Variants in SALL3 observed in about 807,000 individuals in gnomAD.
SALL3 encodes sal-like protein 3.
SALL3 carries 25 observed loss-of-function variants against 66.2 expected under a neutral mutation model. The ratio of observed to expected loss-of-function variants is 0.38; its 90% CI spans 0.28 to 0.53. SALL3 has a LOEUF of 0.53. Ranked by LOEUF, SALL3 falls within the 20% of genes least tolerant of loss-of-function variation. The pLI, the probability that SALL3 is intolerant of heterozygous loss-of-function variation, is 0.85. For synonymous variants in SALL3, 1,152 were observed against 899.1 expected, an observed-to-expected ratio of 1.28 and a Z score of -5.03; for missense variants, 2,194 against 1,916.5, an observed-to-expected ratio of 1.14 and a Z score of -2.70.
At chr18:78,996,451 T>G (rs1205033586) in intron 2 of SALL3, among the ~76,000 whole-genome samples, 3 of 152,192 alleles carry the variant, frequency 2.0e-5, no homozygotes, top group African/African-American at 7.2e-5. Context: ...AATTAATGTT[T>G]CTTTGTTTGA....
At position 78,992,260 on chromosome 18, in the gene SALL3, C is replaced by G. The variant is rs757486154; in HGVS notation, c.269C>G (p.Pro90Arg). ...GTGCACGAGGACGCGCCCGCGCCGC[C>G]CCCCGAGGACTTCCCCGAGCCTTCG... ...LIVHEDAPAP[P>R]PEDFPEPSPA... is the part of the protein sequence containing the mutation. Residue 90 changes from proline (P) to arginine (R), a missense_variant, in exon 2 of 3, where the codon CCC becomes CGC. Pro to Arg is a moderately radical substitution (Grantham distance 103). Coordinates refer to ENST00000537592, the MANE Select transcript of SALL3 (RefSeq NM_171999.4). 1 of 1,568,632 alleles carries G rather than the reference C, an allele frequency of 6.4e-7. No homozygotes were observed. Among genetic ancestry groups the G allele is most frequent in the Non-Finnish European group, 8.6e-7 (1 of 1,163,800 alleles).
At position 78,980,364 on chromosome 18, in the gene SALL3, C is replaced by T; in HGVS notation, c.82+8C>T. 1.4e-6 allele frequency: 2 copies of T among 1,416,312 alleles called. No homozygotes were observed. The highest frequency in any genetic ancestry group is 1.9e-6 in the Non-Finnish European group (2 of 1,076,762). 87.7% of individuals were successfully genotyped at this position (1,416,312 alleles called of 1,614,324 possible). A position where few individuals can be genotyped will look rare whatever the true frequency, so the allele number is the denominator to read the frequency against. ...ACGGGGCTCCCGAGCACGGTGAGGG[C>T]CGGGGCTGCGGGGTGGCCGGGGGGT... On this transcript the variant is annotated splice_region_variant and intron_variant, in intron 1 of 2. Transcript: ENST00000537592.
rs1428892491 is a variant in SALL3, at chr18:78,994,251, C to T, written c.2260C>T (p.Leu754=). The change falls in exon 2 of 3, where the codon CTG becomes TTG. Residue 754 remains leucine (L), a synonymous_variant. Transcript: ENST00000537592. ...CQKKFTNAVV[L]QQHIRMHMGG... is the part of the protein sequence containing the mutation. ...GAAGAAGTTCACCAACGCCGTGGTC[C>T]TGCAGCAGCACATCCGCATGCACAT... 4 of 1,613,678 alleles carry T rather than the reference C, an allele frequency of 2.5e-6. No individual in the cohort carries two copies. Among genetic ancestry groups the T allele is most frequent in the Non-Finnish European group, 3.4e-6 (4 of 1,180,024 alleles).
chr18:78,995,504 G>A (rs778267975), intron 2 of SALL3, 42 bp downstream of exon 2: 14 of 1,499,600 alleles, frequency 9.3e-6, no homozygotes, highest in African/African-American at 4.2e-5. Flanking sequence ...CGGTGCGGCC[G>A]AGCCACGGTG....
rs960977659 is a variant in SALL3, at chr18:78,992,078, C to T, written c.87C>T (p.Ala29=). 2.0e-6 allele frequency: 3 copies of T among 1,496,320 alleles called. No individual in the cohort carries two copies. The highest frequency in any genetic ancestry group is 1.4e-5 in the African/African-American group (1 of 70,640). The allele number at this position is 1,496,320 out of a possible 1,614,324, so 92.7% of individuals were successfully genotyped here. ...LPPDGAPEHA[A]PGEGAEDADS... is the part of the protein sequence containing the mutation. ...CTCACTCTCTTGGTCTTGCAGCCGC[C>T]CCGGGGGAAGGTGCGGAGGACGCAG... Residue 29 remains alanine, a synonymous_variant, in exon 2 of 3, where the codon GCC becomes GCT. Transcript: ENST00000537592.
In SALL3 at chr18:78,993,783, C is replaced by G. The variant is rs757806807; in HGVS notation, c.1792C>G (p.Pro598Ala). 132 of 1,550,676 alleles carry G rather than the reference C, an allele frequency of 8.5e-5. No individual in the cohort carries two copies. The highest frequency in any genetic ancestry group is 1.1e-4 in the Non-Finnish European group (125 of 1,156,306). The stretch of plus-strand genomic sequence containing the variant: ...CGGGCCGCCCCTCACTAAAGCCGAG[C>G]CCGTCAGCCTGCCCTGCACCAACGC... ...LGGPPLTKAEPVSLPCTNARA... is the reference protein window; with the variant it reads ...LGGPPLTKAEAVSLPCTNARA... Residue 598 changes from proline to alanine, a missense_variant, in exon 2 of 3, where the codon CCC becomes GCC. Pro to Ala is a conservative substitution (Grantham distance 27, BLOSUM62 -1). Transcript: ENST00000537592.
chr18:78,995,106 C>T lies in SALL3; in HGVS notation c.3115C>T (p.Pro1039Ser), dbSNP rs775984506. The T allele has an allele frequency of 2.5e-6, 4 of 1,613,870 alleles. No homozygotes were observed. The highest frequency in any genetic ancestry group is 2.5e-6 in the Non-Finnish European group (3 of 1,180,036). The change falls in exon 2 of 3, where the codon CCC (proline) becomes TCC (serine). Residue 1039 changes from proline to serine, a missense_variant. Coordinates refer to ENST00000537592, the MANE Select transcript of SALL3 (RefSeq NM_171999.4). ...LKELPSQLFD[P>S]NFALGPSQST... ...AGAGCTGCCTTCTCAGTTATTTGAC[C>T]CCAACTTTGCTCTAGGTCCCAGCCA...
At chr18:78,987,052 TTAAA>T (rs1173665168) in intron 1 of SALL3, among the ~76,000 whole-genome samples, 2 of 150,990 alleles carry the variant, frequency 1.3e-5, no homozygotes, top group African/African-American at 2.4e-5. Context: ...AAACTTATTT[TTAAA>T]AAAAAAACCT....
chr18:78,986,095 G>T lies in SALL3; in HGVS notation c.82+5739G>T, dbSNP rs541377540. Among the ~76,000 whole-genome samples, 17 of 152,322 alleles carry T rather than the reference G, an allele frequency of 1.1e-4. No individual in the cohort carries two copies. In the South Asian group the frequency reaches 3.5e-3, roughly 32 times the overall value. On this transcript the variant is annotated intron_variant, in intron 1 of 2. Transcript: ENST00000537592. ...TGTGCAACCTTGAAGTGTAACAAAC[G>T]TCTTATTATTTGAAGCAGCGTCGAG... is the stretch of plus-strand genomic sequence containing the variant.
chr18:78,982,350 A>G (rs1318667465), intron 1 of SALL3, among the ~76,000 whole-genome samples: 1 of 152,232 alleles, frequency 6.6e-6, no homozygotes, highest in African/African-American at 2.4e-5. Flanking sequence ...TGTTTTTCAC[A>G]GCATCCAGAA....
At position 78,994,694 on chromosome 18, in the gene SALL3, CTCGCAGGCCCTG is replaced by C; in HGVS notation, c.2708_2719del (p.Gln903_Ser906del). On this transcript the variant is annotated inframe_deletion, in exon 2 of 3. Coordinates refer to ENST00000537592, the MANE Select transcript of SALL3 (RefSeq NM_171999.4). Reference sequence around the variant, plus strand: ...GCCCCGCCCTGTCCGAGTCCTCGTCCTCGCAGGCCCTGTCGCCGGCCCCCAGCAATGGTGAGA... The same window carrying C: ...GCCCCGCCCTGTCCGAGTCCTCGTCCTCGCCGGCCCCCAGCAATGGTGAGA... 1 of 1,606,840 alleles carries C rather than the reference CTCGCAGGCCCTG, an allele frequency of 6.2e-7. No homozygotes were observed. The highest frequency in any genetic ancestry group is 8.5e-7 in the Non-Finnish European group (1 of 1,179,456).
At position 78,980,333 on chromosome 18, in the gene SALL3, C is replaced by T. The variant is rs1194956592; in HGVS notation, c.59C>T (p.Pro20Leu). ...QHLKSDEELL[P>L]PDGAPEHAAP... ...CTCAAGTCGGACGAGGAGCTGCTGC[C>T]GCCTGACGGGGCTCCCGAGCACGGT... Residue 20 changes from proline (P) to leucine (L), a missense_variant, in exon 1 of 3, where the codon CCG (proline) becomes CTG (leucine). Transcript: ENST00000537592. The T allele has an allele frequency of 4.9e-6, 7 of 1,441,494 alleles. No individual in the cohort carries two copies. The African/African-American group carries it at 5.9e-5, about 12-fold the overall frequency. The allele number at this position is 1,441,494 out of a possible 1,614,324, so 89.3% of individuals were successfully genotyped here.
intron 1 of SALL3, among the ~76,000 whole-genome samples, chr18:78,983,424 A>G (rs1042579087): frequency 6.6e-6 from 1 of 152,238 alleles, no homozygotes; most frequent in Non-Finnish European, 1.5e-5. Context: ...GTTGTTAGAA[A>G]ATATGTATTT....
intron 1 of SALL3, among the ~76,000 whole-genome samples, chr18:78,987,053 T>TA (rs1419780203): frequency 6.2e-4 from 94 of 151,376 alleles, no homozygotes; most frequent in African/African-American, 2.2e-3. Context: ...AACTTATTTT[T>TA]AAAAAAAAAA....
intron 2 of SALL3, among the ~76,000 whole-genome samples, chr18:78,995,909 G>A (rs1414334909): frequency 6.6e-6 from 1 of 152,190 alleles, no homozygotes; most frequent in Non-Finnish European, 1.5e-5. Flanking sequence ...GTGCAGCTGG[G>A]CCTCTGATGC....
At chr18:78,988,909 A>G (rs1208480090) in intron 1 of SALL3, among the ~76,000 whole-genome samples, 1 of 152,198 alleles carries the variant, frequency 6.6e-6, no homozygotes, top group African/African-American at 2.4e-5. Context: ...TCAAAAGCCA[A>G]ATTTATTACG....
rs1334978457 is a variant in SALL3, at chr18:78,993,389, C to T, written c.1398C>T (p.His466=). The part of the protein sequence containing the change: ...RFSTKGNLKV[H]FQRHKEKYPH... Reference sequence around the variant, plus strand: ...CCACCAAAGGCAACCTGAAGGTGCACTTCCAGAGGCACAAGGAGAAGTACC... The same window carrying T: ...CCACCAAAGGCAACCTGAAGGTGCATTTCCAGAGGCACAAGGAGAAGTACC... The change falls in exon 2 of 3, where the codon CAC becomes CAT. Residue 466 remains histidine, a synonymous_variant. Coordinates refer to ENST00000537592, the MANE Select transcript of SALL3 (RefSeq NM_171999.4). 6.2e-7 allele frequency: 1 copy of T among 1,612,690 alleles called. No individual in the cohort carries two copies. Among genetic ancestry groups the T allele is most frequent in the African/African-American group, 1.3e-5 (1 of 74,936 alleles).
intron 1 of SALL3, among the ~76,000 whole-genome samples, chr18:78,980,821 C>T (rs1914028014): frequency 1.3e-5 from 2 of 152,236 alleles, no homozygotes; most frequent in African/African-American, 2.4e-5. Context: ...GCCCGCGGCC[C>T]CTCCCGGGCC....
rs1431146270 is a variant in SALL3 at position 78,992,683 on chromosome 18, C to T, written c.692C>T (p.Ala231Val). Reference protein sequence around the residue: ...QLIEQIRSQVALMQRPPPRPS... With the variant: ...QLIEQIRSQVVLMQRPPPRPS... ...ATCGAGCAGATCCGCAGCCAGGTGGCCCTCATGCAGCGCCCGCCGCCGCGG... is the reference window on the plus strand; with the variant it reads ...ATCGAGCAGATCCGCAGCCAGGTGGTCCTCATGCAGCGCCCGCCGCCGCGG... Residue 231 changes from alanine (A) to valine (V), a missense_variant, in exon 2 of 3, where the codon GCC becomes GTC. Ala to Val is a moderately conservative substitution (Grantham distance 64). Coordinates refer to ENST00000537592, the MANE Select transcript of SALL3 (RefSeq NM_171999.4). The T allele has an allele frequency of 8.5e-6, 13 of 1,529,348 alleles. No individual in the cohort carries two copies. In the South Asian group the frequency reaches 1.5e-4, roughly 18 times the overall value. The allele number at this position is 1,529,348 out of a possible 1,614,324, so 94.7% of individuals were successfully genotyped here. A position where few individuals can be genotyped will look rare whatever the true frequency, so the allele number is the denominator to read the frequency against.
Sources: allele counts gnomAD v4.1 joint callset (sites outside exome capture counted in the v4.1 genomes callset), GRCh38; gene constraint gnomAD v4.1.1; transcripts MANE v1.5; gene names NCBI Gene and HGNC (gene_info 2026-07-23, HGNC 2026-07-21).